Variants in ANTXR2 observed in about 807,000 individuals in gnomAD.
The protein encoded by ANTXR2 is anthrax toxin receptor 2.
In ANTXR2, 44 loss-of-function variants were observed where a neutral mutation model predicts 73.7. The ratio of observed to expected loss-of-function variants is 0.60; its 90% CI spans 0.47 to 0.77. ANTXR2 has a LOEUF of 0.77. ANTXR2 is among the 30% of genes least tolerant of loss of function. ANTXR2 has a pLI of 0.00. For synonymous variants in ANTXR2, 217 were observed against 205.9 expected, an observed-to-expected ratio of 1.05 and a Z score of -0.46; for missense variants, 604 against 592.5, an observed-to-expected ratio of 1.02 and a Z score of -0.20.
intron 7 of ANTXR2, among the ~76,000 whole-genome samples, chr4:80,036,804 T>A (rs1408227244): frequency 6.6e-6 from 1 of 151,900 alleles, no homozygotes; most frequent in Non-Finnish European, 1.5e-5. Context: ...ATAAATAAAT[T>A]AAAATTAAAA....
intron 16 of ANTXR2, among the ~76,000 whole-genome samples, chr4:79,956,800 G>C (rs994622588): frequency 1.3e-5 from 2 of 151,874 alleles, no homozygotes; most frequent in Admixed American, 6.6e-5. Context: ...CACACTCATA[G>C]AAGCATTGGA....
chr4:79,927,294 C>CCA (rs112013307), intron 16 of ANTXR2, among the ~76,000 whole-genome samples: 13 of 150,320 alleles, frequency 8.6e-5, no homozygotes, highest in Admixed American at 1.3e-4. Flanking sequence ...GGAGCTCTTA[C>CCA]CACACACACA....
intron 7 of ANTXR2, among the ~76,000 whole-genome samples, chr4:80,046,200 T>C (rs903816262): frequency 6.6e-6 from 1 of 151,784 alleles, no homozygotes. Context: ...CATACTCTCA[T>C]ATAATAAATC....
intron 16 of ANTXR2, among the ~76,000 whole-genome samples, chr4:79,934,516 G>A (rs376556206): frequency 7.4e-4 from 109 of 148,264 alleles, no homozygotes; most frequent in African/African-American, 2.6e-3. Flanking sequence ...GACTGAGCAA[G>A]ACCCTGTCTA....
chr4:80,019,513 C>A (rs894378731), intron 10 of ANTXR2, among the ~76,000 whole-genome samples: 2 of 152,164 alleles, frequency 1.3e-5, no homozygotes, highest in African/African-American at 4.8e-5. Context: ...GAAATACAGG[C>A]ATTAAGAAAT....
At chr4:79,934,551 A>AC (rs1560879580) in intron 16 of ANTXR2, among the ~76,000 whole-genome samples, 1 of 151,866 alleles carries the variant, frequency 6.6e-6, no homozygotes, top group South Asian at 2.1e-4. Context: ...ACAAAAAAAA[A>AC]AAAACACCAA....
chr4:79,925,844 C>G (rs1727759723), intron 16 of ANTXR2, among the ~76,000 whole-genome samples: 1 of 152,060 alleles, frequency 6.6e-6, no homozygotes, highest in Admixed American at 6.6e-5. Context: ...TTTTAAGCAA[C>G]TGAAGTCTGA....
intron 16 of ANTXR2, 70 bp from the exon 17 acceptor site, chr4:79,907,537 T>C: frequency 6.9e-7 from 1 of 1,454,354 alleles, no homozygotes; most frequent in Non-Finnish European, 9.6e-7. Flanking sequence ...AACATCTAGT[T>C]TTCCTACCAT....
intron 12 of ANTXR2, among the ~76,000 whole-genome samples, chr4:79,989,513 C>T (rs1267811901): frequency 2.0e-5 from 3 of 151,738 alleles, no homozygotes; most frequent in Admixed American, 6.6e-5. Context: ...CAGAAAATGC[C>T]GTAGATGAGA....
chr4:79,908,399 C>T (rs1333647035), intron 16 of ANTXR2, among the ~76,000 whole-genome samples: 2 of 151,940 alleles, frequency 1.3e-5, no homozygotes, highest in Non-Finnish European at 2.9e-5. Flanking sequence ...TTTTAATATC[C>T]AAAGCATGAT....
intron 11 of ANTXR2, among the ~76,000 whole-genome samples, chr4:80,016,002 G>A (rs1045362948): frequency 6.7e-6 from 1 of 150,260 alleles, no homozygotes; most frequent in African/African-American, 2.5e-5. Flanking sequence ...GGAAAGGAAA[G>A]GAGGGAGAGG....
At chr4:80,002,930 T>C (rs1578145276) in intron 12 of ANTXR2, among the ~76,000 whole-genome samples, 1 of 139,472 alleles carries the variant, frequency 7.2e-6, no homozygotes, top group Non-Finnish European at 1.6e-5. Context: ...GGAGAGGATG[T>C]GGAGAAATAG....
At chr4:79,982,597 C>T (rs1021346903) in intron 14 of ANTXR2, among the ~76,000 whole-genome samples, 5 of 152,110 alleles carry the variant, frequency 3.3e-5, no homozygotes, top group African/African-American at 1.2e-4. Flanking sequence ...TGTCAAACAA[C>T]AAGAACTTGC....
At chr4:79,923,260 C>T (rs1315300994) in intron 16 of ANTXR2, among the ~76,000 whole-genome samples, 2 of 152,140 alleles carry the variant, frequency 1.3e-5, no homozygotes, top group Admixed American at 6.6e-5. Flanking sequence ...ATACAATGGT[C>T]GACTTGTCTA....
chr4:79,914,006 C>T (rs998021902), intron 16 of ANTXR2, among the ~76,000 whole-genome samples: 1 of 151,992 alleles, frequency 6.6e-6, no homozygotes, highest in African/African-American at 2.4e-5. Context: ...GACTTGATTT[C>T]TTTTCTTTAG....
chr4:79,997,398 A>G (rs1180504766), intron 12 of ANTXR2, among the ~76,000 whole-genome samples: 3 of 151,990 alleles, frequency 2.0e-5, no homozygotes, highest in African/African-American at 7.2e-5. Context: ...ATAGAGAAAC[A>G]TTCTTAGTAT....
Position 80,035,972 on chromosome 4 carries a change from C to T in ANTXR2, c.697G>A (p.Glu233Lys). 1 of 1,541,906 alleles carries T rather than the reference C, an allele frequency of 6.5e-7. No homozygotes were observed. Among genetic ancestry groups the T allele is most frequent in the Non-Finnish European group, 8.7e-7 (1 of 1,143,916 alleles). Reference protein sequence around the residue: ...ELQPSSVCVGEEFQIVLSGRG... With the variant: ...ELQPSSVCVGKEFQIVLSGRG... ...GTATTTTTAAATTCTAAACACTTAC[C>T]CCCCACACAGACACTTGAGGGCTGC... Residue 233 changes from glutamate to lysine, a missense_variant and splice_region_variant, in exon 8 of 17, where the codon GAG becomes AAG. Coordinates refer to ENST00000403729, the MANE Select transcript of ANTXR2 (RefSeq NM_058172.6).
At chr4:80,022,958 A>C (rs1486034148) in intron 10 of ANTXR2, among the ~76,000 whole-genome samples, 1 of 152,198 alleles carries the variant, frequency 6.6e-6, no homozygotes, top group African/African-American at 2.4e-5. Flanking sequence ...TACATAAAAT[A>C]TACAACACAA....
intron 7 of ANTXR2, among the ~76,000 whole-genome samples, chr4:80,053,828 A>T (rs1733867992): frequency 6.6e-6 from 1 of 151,784 alleles, no homozygotes; most frequent in African/African-American, 2.4e-5. Flanking sequence ...AAATGGAAAG[A>T]ACAACAAATG....
Sources: allele counts gnomAD v4.1 joint callset (sites outside exome capture counted in the v4.1 genomes callset), GRCh38; gene constraint gnomAD v4.1.1; transcripts MANE v1.5; gene names NCBI Gene and HGNC (gene_info 2026-07-23, HGNC 2026-07-21).